The following WWTR1 variants were observed in gnomAD, a reference collection of about 807,000 sequenced individuals.
The protein encoded by WWTR1 is WW domain-containing transcription regulator protein 1.
Under a neutral mutation model 40.1 loss-of-function variants are expected in WWTR1, and 13 were observed. The ratio of observed to expected loss-of-function variants is 0.32; its 90% CI spans 0.21 to 0.52. The LOEUF (loss-of-function observed/expected upper bound fraction) is 0.52, where lower values mean the gene tolerates loss of function less well. Ranked by LOEUF, WWTR1 falls within the 20% of genes least tolerant of loss-of-function variation. The pLI, the probability that WWTR1 is intolerant of heterozygous loss-of-function variation, is 0.97. For synonymous variants in WWTR1, 230 were observed against 210.1 expected (o/e 1.09, Z -0.82); for missense variants, 436 against 523.1 (o/e 0.83, Z 1.63).
intron 3 of WWTR1, among the ~76,000 whole-genome samples, chr3:149,544,690 T>C (rs1045437069): frequency 6.6e-6 from 1 of 152,204 alleles, no homozygotes; most frequent in Non-Finnish European, 1.5e-5. Context: ...AGCCACCTTC[T>C]GTCACATCTT....
intron 3 of WWTR1, among the ~76,000 whole-genome samples, chr3:149,543,606 A>AAAAAAATAT (rs1736238375): frequency 6.9e-6 from 1 of 144,010 alleles, no homozygotes; most frequent in Admixed American, 7.0e-5. Flanking sequence ...AAAAAAAAGA[A>AAAAAAATAT]CTTCACTTTA....
chr3:149,654,918 T>C (rs531013433), intron 2 of WWTR1, among the ~76,000 whole-genome samples: 1 of 146,726 alleles, frequency 6.8e-6, no homozygotes, highest in East Asian at 2.1e-4. Flanking sequence ...GGTCAGGAGA[T>C]AGAGACCATC....
chr3:149,600,366 A>T (rs902153890), intron 2 of WWTR1, among the ~76,000 whole-genome samples: 1 of 152,214 alleles, frequency 6.6e-6, no homozygotes, highest in Non-Finnish European at 1.5e-5. Flanking sequence ...AGTGCCTGGT[A>T]CATAGCAAAC....
chr3:149,640,008 A>AC (rs1712064815), intron 2 of WWTR1, among the ~76,000 whole-genome samples: 1 of 149,242 alleles, frequency 6.7e-6, no homozygotes. Flanking sequence ...AAAAAAAAAA[A>AC]AAAAAGAAAG....
intron 4 of WWTR1, among the ~76,000 whole-genome samples, chr3:149,533,639 T>A (rs1735690216): frequency 6.6e-6 from 1 of 152,204 alleles, no homozygotes; most frequent in African/African-American, 2.4e-5. Context: ...AAAGGCAGCA[T>A]GGCACAAGAG....
intron 3 of WWTR1, among the ~76,000 whole-genome samples, chr3:149,554,368 A>G (rs1736732878): frequency 6.6e-6 from 1 of 152,114 alleles, no homozygotes; most frequent in Admixed American, 6.6e-5. Context: ...TAGACTTGTA[A>G]CCCAAGCTTC....
At chr3:149,603,554 C>CCG (rs1739348916) in intron 2 of WWTR1, among the ~76,000 whole-genome samples, 4 of 146,496 alleles carry the variant, frequency 2.7e-5, no homozygotes, top group African/African-American at 1.0e-4. Flanking sequence ...TTCCCCACCC[C>CCG]CCCCTTGTAC....
At chr3:149,707,106 T>C (rs1715353167), upstream of WWTR1, among the ~76,000 whole-genome samples, 1 of 152,158 alleles carries the variant, frequency 6.6e-6, no homozygotes, top group African/African-American at 2.4e-5. Context: ...TGGCCAGCTG[T>C]CTTTAAAATT....
chr3:149,677,994 C>T (rs9809940), intron 1 of WWTR1, among the ~76,000 whole-genome samples: 30,492 of 151,612 alleles, frequency 0.2, 3,834 homozygotes, highest in Middle Eastern at 0.36. Context: ...TGATCTCGAA[C>T]TCCTGATCTC....
intron 4 of WWTR1, among the ~76,000 whole-genome samples, chr3:149,718,891 T>G (rs192034105): frequency 3.9e-4 from 60 of 152,208 alleles, no homozygotes; most frequent in African/African-American, 1.2e-3. Flanking sequence ...AGTGGTATGA[T>G]CTCGGTTCAG....
intron 2 of WWTR1, among the ~76,000 whole-genome samples, chr3:149,638,554 C>T (rs889723793): frequency 1.3e-5 from 2 of 152,212 alleles, no homozygotes; most frequent in South Asian, 2.1e-4. Context: ...CTCCTTTTCT[C>T]TTGTCTCTGC....
intron 2 of WWTR1, among the ~76,000 whole-genome samples, chr3:149,579,566 C>A (rs1485219439): frequency 1.3e-5 from 2 of 151,976 alleles, no homozygotes; most frequent in African/African-American, 2.4e-5. Flanking sequence ...AATCTTAGCA[C>A]TCTGGGAGGC....
At chr3:149,536,562 T>C (rs1735844286) in intron 4 of WWTR1, among the ~76,000 whole-genome samples, 1 of 151,894 alleles carries the variant, frequency 6.6e-6, no homozygotes, top group African/African-American at 2.4e-5. Flanking sequence ...TCTGTCAGGA[T>C]GGCTGTGCGA....
At chr3:149,707,588 C>T (rs1715363884), upstream of WWTR1, among the ~76,000 whole-genome samples, 1 of 152,000 alleles carries the variant, frequency 6.6e-6, no homozygotes, top group Admixed American at 6.5e-5. Context: ...CAAAATTAAG[C>T]AATTCCCTTT....
At chr3:149,575,925 T>C in intron 2 of WWTR1, 1 of 455,896 alleles carries the variant, frequency 2.2e-6, no homozygotes, top group Non-Finnish European at 4.4e-6. Flanking sequence ...CCAGCACTCC[T>C]GCAGTGCAGT....
At chr3:149,560,281 T>C (rs1737027545) in intron 3 of WWTR1, among the ~76,000 whole-genome samples, 1 of 152,172 alleles carries the variant, frequency 6.6e-6, no homozygotes, top group South Asian at 2.1e-4. Context: ...AAAAATATAA[T>C]GTGTACTTAA....
intron 5 of WWTR1, among the ~76,000 whole-genome samples, chr3:149,714,219 A>G (rs1715543582): frequency 6.6e-6 from 1 of 152,152 alleles, no homozygotes; most frequent in Non-Finnish European, 1.5e-5. Context: ...CAGCCACCCA[A>G]GACACCGCTG....
intron 1 of WWTR1, among the ~76,000 whole-genome samples, chr3:149,690,337 T>C (rs911761183): frequency 7.9e-5 from 12 of 151,878 alleles, no homozygotes; most frequent in East Asian, 5.8e-4. Flanking sequence ...TGAATGGATA[T>C]AAAAACAAGA....
chr3:149,638,910 C>T (rs566748930), intron 2 of WWTR1, among the ~76,000 whole-genome samples: 25 of 152,246 alleles, frequency 1.6e-4, no homozygotes, highest in Admixed American at 2.6e-4. Flanking sequence ...AAATCAAAGC[C>T]GTCACTCTAC....
Sources: gnomAD v4.1 joint callset for allele counts (sites outside exome capture counted in the v4.1 genomes callset) on GRCh38, gnomAD v4.1.1 for gene constraint, MANE v1.5 for transcripts, NCBI Gene and HGNC (gene_info 2026-07-23, HGNC 2026-07-21) for gene names.